THUMPD2: variants seen among roughly 807,000 people sequenced by gnomAD.
The protein encoded by THUMPD2 is U6 snRNA (guanine-N(2))-methyltransferase THUMPD2.
THUMPD2 carries 56 observed loss-of-function variants against 49.4 expected under a neutral mutation model. The observed-to-expected ratio is 1.13, with a 90% CI of 0.91 to 1.41. THUMPD2 has a LOEUF of 1.41. Ranked by LOEUF, THUMPD2 falls within the 40% of genes most tolerant of loss-of-function variation. The pLI is 0.00. For missense variants in THUMPD2, 709 were observed against 594.5 expected (o/e 1.19, Z -2.00); for synonymous variants, 237 against 205.2 (o/e 1.15, Z -1.32).
At chr2:39,757,476 G>A (rs1676297266) in intron 6 of THUMPD2, 2 of 1,189,228 alleles carry the variant, frequency 1.7e-6, no homozygotes, top group African/African-American at 1.6e-5. Context: ...GTAAGGAGCA[G>A]AAGGAAAAAT....
chr2:39,766,205 T>C (rs1300053457), intron 4 of THUMPD2, 96 bp from the exon 5 acceptor site: 2 of 908,414 alleles, frequency 2.2e-6, no homozygotes, highest in South Asian at 2.0e-5. Context: ...ACATGATCTA[T>C]GTTTTAAAAA....
chr2:39,771,070 G>T (rs1678255042), intron 2 of THUMPD2, among the ~76,000 whole-genome samples: 2 of 151,800 alleles, frequency 1.3e-5, no homozygotes, highest in African/African-American at 4.8e-5. Context: ...AACATTTAAG[G>T]TCCTAGAAAT....
At chr2:39,742,189 C>T (rs1393371206) in intron 9 of THUMPD2, among the ~76,000 whole-genome samples, 1 of 151,996 alleles carries the variant, frequency 6.6e-6, no homozygotes, top group Non-Finnish European at 1.5e-5. Flanking sequence ...AAACTTCAAA[C>T]CATAAAAAAA....
intron 6 of THUMPD2, among the ~76,000 whole-genome samples, chr2:39,756,909 GTAATAATAA>G (rs147238410): frequency 2.8e-5 from 4 of 143,650 alleles, no homozygotes; most frequent in South Asian, 2.2e-4. Context: ...AAGCTAAAAT[GTAATAATAA>G]TAATAATAAT....
At chr2:39,756,027 A>C (rs1000980462) in intron 6 of THUMPD2, 67 bp from the exon 7 acceptor site, 2 of 1,371,154 alleles carry the variant, frequency 1.5e-6, no homozygotes, top group Non-Finnish European at 2.1e-6. Context: ...AAGAAACCTA[A>C]AACTTGAGGA....
At chr2:39,769,035 T>C in intron 3 of THUMPD2, 1 of 1,304,696 alleles carries the variant, frequency 7.7e-7, no homozygotes, top group Non-Finnish European at 1.0e-6. Flanking sequence ...TTCTCTACAT[T>C]GCTGAGACCT....
At chr2:39,741,881 C>T (rs1461728035) in intron 9 of THUMPD2, among the ~76,000 whole-genome samples, 7 of 151,834 alleles carry the variant, frequency 4.6e-5, no homozygotes, top group Non-Finnish European at 8.8e-5. Context: ...ATGTGTACTC[C>T]GATATATTTA....
chr2:39,740,852 C>T (rs1015180823), intron 9 of THUMPD2, among the ~76,000 whole-genome samples: 3 of 151,956 alleles, frequency 2.0e-5, no homozygotes, highest in African/African-American at 7.3e-5. Context: ...ACTGAAGGTG[C>T]ATGCCACCAC....
chr2:39,738,934 G>C (rs1313411698), intron 9 of THUMPD2, among the ~76,000 whole-genome samples: 2 of 151,954 alleles, frequency 1.3e-5, no homozygotes, highest in Non-Finnish European at 2.9e-5. Flanking sequence ...AGAGTTAAGG[G>C]GAATCTGCCT....
In THUMPD2 at chr2:39,767,284, G is replaced by A. The variant is rs537155140; in HGVS notation, c.750+1140C>T. 4.6e-5 allele frequency among the ~76,000 whole-genome samples: 7 copies of A among 152,270 alleles called. No individual in the cohort carries two copies. The South Asian group carries it at 1.0e-3, about 23-fold the overall frequency. ...GAGATGGACTCAGGGAGATGGGGAC[G>A]AGAAAGCCAGAGAGAAGATGATTAA... On this transcript the variant is annotated intron_variant, in intron 4 of 9. Coordinates refer to ENST00000505747, the MANE Select transcript of THUMPD2 (RefSeq NM_025264.5).
chr2:39,770,657 T>A (rs530220351), intron 2 of THUMPD2, among the ~76,000 whole-genome samples: 3 of 152,114 alleles, frequency 2.0e-5, no homozygotes, highest in African/African-American at 4.8e-5. Flanking sequence ...CTCAGCAAAG[T>A]TTAATCTCTT....
At chr2:39,779,260 G>A (rs993916598), upstream of THUMPD2, 5 of 1,473,882 alleles carry the variant, frequency 3.4e-6, no homozygotes, top group East Asian at 8.7e-5. Flanking sequence ...GCGCGCCCTC[G>A]CGCCTTCGGG....
At chr2:39,748,992 AAAAAC>A (rs1043246358) in intron 8 of THUMPD2, among the ~76,000 whole-genome samples, 2 of 152,152 alleles carry the variant, frequency 1.3e-5, no homozygotes, top group Non-Finnish European at 2.9e-5. Flanking sequence ...TCTTAAAAAA[AAAAAC>A]AAAACAAAAT....
intron 3 of THUMPD2, chr2:39,768,910 T>A: frequency 7.7e-7 from 1 of 1,300,684 alleles, no homozygotes; most frequent in Non-Finnish European, 1.0e-6. Context: ...CCCTTTAGGG[T>A]TTGACTGATT....
Position 39,755,384 on chromosome 2 carries a change from A to C in THUMPD2, c.989T>G (p.Val330Gly). Residue 330 changes from valine to glycine, a missense_variant, in exon 8 of 10, where the codon GTC (valine) becomes GGC (glycine). Physicochemically the swap from Val to Gly is moderately radical, Grantham distance 109. Coordinates refer to ENST00000505747, the MANE Select transcript of THUMPD2 (RefSeq NM_025264.5). ...AGTACCTAGTAACTGTGAGTCGCTG[A>C]CATCAGCACCTACATAATACACATC... Reference protein sequence around the residue: ...WPDVYYVGADVSDSQLLGTWD... With the variant: ...WPDVYYVGADGSDSQLLGTWD... 1 of 1,562,446 alleles carries C rather than the reference A, an allele frequency of 6.4e-7. No individual in the cohort carries two copies. Among genetic ancestry groups the C allele is most frequent in the Admixed American group, 2.1e-5 (1 of 47,002 alleles).
At chr2:39,742,309 G>A (rs997155916) in intron 9 of THUMPD2, among the ~76,000 whole-genome samples, 1 of 152,196 alleles carries the variant, frequency 6.6e-6, no homozygotes, top group Non-Finnish European at 1.5e-5. Context: ...TGGTCCCACT[G>A]AGGCACTTTA....
At chr2:39,746,112 G>A (rs1382676997) in intron 8 of THUMPD2, among the ~76,000 whole-genome samples, 1 of 152,144 alleles carries the variant, frequency 6.6e-6, no homozygotes, top group Non-Finnish European at 1.5e-5. Context: ...GCTGCTTTGT[G>A]GTCATTATTT....
At chr2:39,751,518 TTCTA>T (rs1373119273) in intron 8 of THUMPD2, among the ~76,000 whole-genome samples, 7 of 152,330 alleles carry the variant, frequency 4.6e-5, no homozygotes, top group Non-Finnish European at 7.4e-5. Context: ...ATGTTATAGT[TTCTA>T]TCTTATACTG....
intron 5 of THUMPD2, among the ~76,000 whole-genome samples, chr2:39,765,353 C>T (rs1246253580): frequency 1.3e-5 from 2 of 152,014 alleles, no homozygotes; most frequent in Admixed American, 1.3e-4. Flanking sequence ...AGAGACGGGA[C>T]TTCACCATGT....
Sources: gnomAD v4.1 joint callset for allele counts (sites outside exome capture counted in the v4.1 genomes callset) on GRCh38, gnomAD v4.1.1 for gene constraint, MANE v1.5 for transcripts, NCBI Gene and HGNC (gene_info 2026-07-23, HGNC 2026-07-21) for gene names.